PHLDB2: variants seen among roughly 807,000 people sequenced by gnomAD.
The protein encoded by PHLDB2 is pleckstrin homology-like domain family B member 2.
A neutral mutation model predicts 123.6 loss-of-function variants in PHLDB2; 71 were observed. The observed-to-expected ratio is 0.57, with a 90% confidence interval of 0.47 to 0.70. The LOEUF (loss-of-function observed/expected upper bound fraction) is 0.70, where lower values mean the gene tolerates loss of function less well. Among genes scored for constraint, PHLDB2 ranks in the 30% least tolerant of loss-of-function variants. The pLI is 0.00. For synonymous variants in PHLDB2, 547 were observed against 541.6 expected, an observed-to-expected ratio of 1.01 and a Z score of -0.14; for missense variants, 1,446 against 1,519.5, an observed-to-expected ratio of 0.95 and a Z score of 0.80.
At chr3:111,740,822 A>G (rs4276156) in intron 1 of PHLDB2, among the ~76,000 whole-genome samples, 26,810 of 151,732 alleles carry the variant, frequency 0.18, 2,524 homozygotes, top group Admixed American at 0.2. Context: ...AGAACAGCCC[A>G]TGAGTCCAAC....
chr3:111,843,371 T>G (rs1433215618), intron 1 of PHLDB2, among the ~76,000 whole-genome samples: 2 of 152,238 alleles, frequency 1.3e-5, no homozygotes, highest in East Asian at 1.9e-4. Context: ...TTCGGAGCAA[T>G]GTCTACTCAA....
At chr3:111,894,156 C>T (rs752121593) in intron 2 of PHLDB2, among the ~76,000 whole-genome samples, 2,556 of 143,956 alleles carry the variant, frequency 0.018, 40 homozygotes, top group South Asian at 0.065. Context: ...TGAGAATATG[C>T]GGTGTTTGGT....
chr3:111,907,785 G>T (rs1323940962), intron 2 of PHLDB2, among the ~76,000 whole-genome samples: 1 of 151,890 alleles, frequency 6.6e-6, no homozygotes, highest in African/African-American at 2.4e-5. Context: ...AGCCACCGTG[G>T]TCAGCTATTT....
intron 1 of PHLDB2, among the ~76,000 whole-genome samples, chr3:111,814,643 A>AAG (rs1278426656): frequency 6.8e-6 from 1 of 146,190 alleles, no homozygotes; most frequent in Non-Finnish European, 1.5e-5. Context: ...AAAAAAAAAA[A>AAG]GCAGAGAGGT....
chr3:111,822,222 C>G (rs554124002), intron 1 of PHLDB2, among the ~76,000 whole-genome samples: 1 of 151,318 alleles, frequency 6.6e-6, no homozygotes, highest in East Asian at 1.9e-4. Context: ...ACATGTTGCT[C>G]TCCTCTATTT....
chr3:111,920,319 A>T lies in PHLDB2; in HGVS notation c.1901A>T (p.Lys634Ile), dbSNP rs530700776. Residue 634 changes from lysine to isoleucine, a missense_variant, in exon 5 of 18, where the codon AAA (lysine) becomes ATA (isoleucine). By Grantham distance (102) the Lys-to-Ile change is moderately radical. This residue lies in a region of PHLDB2 where 832 missense variants were observed against 831.9 expected (regional missense o/e 1.00). Transcript: ENST00000431670. ...TGTGCTCTTTTGGATGGAGAACAGAAATCTGAAACAACTGAACTTATGAAG... is the reference window on the plus strand; with the variant it reads ...TGTGCTCTTTTGGATGGAGAACAGATATCTGAAACAACTGAACTTATGAAG... ...MECALLDGEQ[K>I]SETTELMKEK... is the part of the protein sequence containing the mutation. 3.0e-5 allele frequency: 48 copies of T among 1,614,050 alleles called. No homozygotes were observed. In the Admixed American group the frequency reaches 4.0e-4, roughly 13 times the overall value.
At chr3:111,912,664 G>A (rs1010034061) in intron 2 of PHLDB2, among the ~76,000 whole-genome samples, 9 of 152,170 alleles carry the variant, frequency 5.9e-5, no homozygotes, top group Non-Finnish European at 1.2e-4. Context: ...TTCTCTTTGT[G>A]TGTCTAGCAC....
At chr3:111,806,540 A>G (rs1193973695) in intron 1 of PHLDB2, among the ~76,000 whole-genome samples, 1 of 147,836 alleles carries the variant, frequency 6.8e-6, no homozygotes, top group Non-Finnish European at 1.5e-5. Flanking sequence ...GCTGGAGTGC[A>G]GTGGCTCAAT....
intron 1 of PHLDB2, among the ~76,000 whole-genome samples, chr3:111,870,034 T>C (rs1258679207): frequency 6.6e-6 from 1 of 152,244 alleles, no homozygotes; most frequent in Non-Finnish European, 1.5e-5. Flanking sequence ...AAGGAGACTA[T>C]GTCTACTAAC....
chr3:111,890,985 A>G (rs1319245934), intron 2 of PHLDB2, among the ~76,000 whole-genome samples: 1 of 152,182 alleles, frequency 6.6e-6, no homozygotes, highest in Non-Finnish European at 1.5e-5. Flanking sequence ...AGAGTGACTA[A>G]GTACAAGTGA....
intron 10 of PHLDB2, among the ~76,000 whole-genome samples, chr3:111,952,369 G>A (rs1037398884): frequency 1.3e-5 from 2 of 152,136 alleles, no homozygotes; most frequent in Non-Finnish European, 2.9e-5. Flanking sequence ...AGATTTCTAG[G>A]TTCAGCATAA....
At chr3:111,900,256 T>A (rs1221749040) in intron 2 of PHLDB2, among the ~76,000 whole-genome samples, 2 of 152,224 alleles carry the variant, frequency 1.3e-5, no homozygotes, top group Non-Finnish European at 2.9e-5. Flanking sequence ...CACCTTTAAT[T>A]TCCTTCAAGA....
intron 1 of PHLDB2, among the ~76,000 whole-genome samples, chr3:111,797,344 G>A (rs996412201): frequency 6.6e-6 from 1 of 151,162 alleles, no homozygotes; most frequent in African/African-American, 2.5e-5. Context: ...GTTCTATTTA[G>A]GCAGACACAC....
chr3:111,899,412 C>G (rs1054207736), intron 2 of PHLDB2, among the ~76,000 whole-genome samples: 2 of 152,238 alleles, frequency 1.3e-5, no homozygotes, highest in Non-Finnish European at 2.9e-5. Context: ...GCTATTTTTC[C>G]TGATGCTCTC....
At chr3:111,834,601 A>G (rs1424149459) in intron 1 of PHLDB2, among the ~76,000 whole-genome samples, 2 of 152,006 alleles carry the variant, frequency 1.3e-5, no homozygotes, top group Admixed American at 6.6e-5. Context: ...TATCTCTGAC[A>G]TATAACTTTA....
At chr3:111,909,378 T>C (rs1479072073) in intron 2 of PHLDB2, among the ~76,000 whole-genome samples, 1 of 152,034 alleles carries the variant, frequency 6.6e-6, no homozygotes, top group African/African-American at 2.4e-5. Context: ...GGAAGATTGC[T>C]TGAGTCCAGG....
chr3:111,899,842 G>C (rs1189532377), intron 2 of PHLDB2, among the ~76,000 whole-genome samples: 5 of 152,210 alleles, frequency 3.3e-5, no homozygotes, highest in African/African-American at 1.2e-4. Flanking sequence ...CCGGCCTCAA[G>C]TGATCCTCTC....
At chr3:111,789,135 A>G (rs763292544) in intron 1 of PHLDB2, among the ~76,000 whole-genome samples, 10 of 152,208 alleles carry the variant, frequency 6.6e-5, no homozygotes, top group Non-Finnish European at 1.2e-4. Flanking sequence ...AGGCGATGGA[A>G]AAAACAGTGC....
chr3:111,898,793 T>C (rs1445804773), intron 2 of PHLDB2, among the ~76,000 whole-genome samples: 1 of 152,100 alleles, frequency 6.6e-6, no homozygotes, highest in Non-Finnish European at 1.5e-5. Context: ...TCAAGTTTTA[T>C]CATGAGATTT....
Sources: gnomAD v4.1 joint callset for allele counts (sites outside exome capture counted in the v4.1 genomes callset) on GRCh38, gnomAD v4.1.1 for gene constraint, gnomAD v4.1.1 regional missense constraint, MANE v1.5 for transcripts, NCBI Gene and HGNC (gene_info 2026-07-23, HGNC 2026-07-21) for gene names.